The following PDCD11 variants were observed in gnomAD, a reference collection of about 807,000 sequenced individuals.
PDCD11 encodes programmed cell death 11.
Under a neutral mutation model 198.9 loss-of-function variants are expected in PDCD11, and 97 were observed. The observed-to-expected ratio is 0.49, with a 90% CI of 0.41 to 0.58. The LOEUF (loss-of-function observed/expected upper bound fraction) is 0.58. Ranked by LOEUF, PDCD11 falls within the 20% of genes least tolerant of loss-of-function variation. The pLI, the probability that PDCD11 is intolerant of heterozygous loss-of-function variation, is 0.00. For missense variants in PDCD11, 2,102 were observed against 2,312.7 expected (o/e 0.91, Z 1.87); for synonymous variants, 893 against 918.0 (o/e 0.97, Z 0.49).
In PDCD11 at chr10:103,398,464, C is replaced by A; in HGVS notation, c.38C>A (p.Thr13Lys). Residue 13 changes from threonine (T) to lysine (K), a missense_variant, in exon 2 of 36, where the codon ACA (threonine) becomes AAA (lysine). Thr to Lys is a moderately conservative substitution (Grantham distance 78). Coordinates refer to ENST00000369797, the MANE Select transcript of PDCD11 (RefSeq NM_014976.2). ...GAAGAAAGCTTCCCCCGAGGAGGTA[C>A]AAGAAAGATCCACAAACCAGAGAAA... is the stretch of plus-strand genomic sequence containing the variant. ...NLEESFPRGG[T>K]RKIHKPEKAF... 3 of 1,614,112 alleles carry A rather than the reference C, an allele frequency of 1.9e-6. No individual in the cohort carries two copies. Among genetic ancestry groups the A allele is most frequent in the Non-Finnish European group, 8.5e-7 (1 of 1,179,972 alleles).
intron 25 of PDCD11, among the ~76,000 whole-genome samples, chr10:103,436,631 G>T (rs1400536216): frequency 6.6e-6 from 1 of 152,200 alleles, no homozygotes; most frequent in Non-Finnish European, 1.5e-5. Flanking sequence ...CAAAGAATGA[G>T]TCCTAGAGAC....
chr10:103,435,495 G>C (rs1307790492), intron 25 of PDCD11, among the ~76,000 whole-genome samples: 1 of 151,346 alleles, frequency 6.6e-6, no homozygotes, highest in Non-Finnish European at 1.5e-5. Flanking sequence ...ACAGAGTCTG[G>C]AGTGCAGTGG....
At chr10:103,404,551 G>A (rs1309591200) in intron 4 of PDCD11, among the ~76,000 whole-genome samples, 1 of 152,100 alleles carries the variant, frequency 6.6e-6, no homozygotes, top group African/African-American at 2.4e-5. Flanking sequence ...TGCCCGCCTT[G>A]GCCTCCCTAA....
chr10:103,442,584 C>T (rs1252712265), intron 32 of PDCD11, 124 bp downstream of exon 32: 1 of 985,276 alleles, frequency 1.0e-6, no homozygotes, highest in Non-Finnish European at 1.5e-6. Flanking sequence ...ACCAGGGGCC[C>T]ATGGGTCCTC....
At chr10:103,435,988 T>C (rs964768517) in intron 25 of PDCD11, among the ~76,000 whole-genome samples, 5 of 152,208 alleles carry the variant, frequency 3.3e-5, no homozygotes, top group Middle Eastern at 3.4e-3. Context: ...TAAATTTGTG[T>C]CTTAGCCATT....
intron 19 of PDCD11, 104 bp from the exon 20 acceptor site, chr10:103,424,880 G>C: frequency 1.5e-6 from 2 of 1,325,128 alleles, no homozygotes; most frequent in Non-Finnish European, 2.1e-6. Context: ...CCCTAGCCTT[G>C]GGACCCCAGA....
At chr10:103,431,030 C>CCTTA (rs1592135697) in intron 21 of PDCD11, among the ~76,000 whole-genome samples, 1 of 152,018 alleles carries the variant, frequency 6.6e-6, no homozygotes, top group East Asian at 1.9e-4. Context: ...AAACTCCTGA[C>CCTTA]CTTAGGTGAT....
chr10:103,411,349 G>A (rs2030793627), intron 8 of PDCD11, among the ~76,000 whole-genome samples: 1 of 152,032 alleles, frequency 6.6e-6, no homozygotes, highest in Non-Finnish European at 1.5e-5. Flanking sequence ...ATAGTAATGT[G>A]TGCTATAGAT....
At chr10:103,427,086 GT>G (rs774258261) in intron 20 of PDCD11, among the ~76,000 whole-genome samples, 2 of 151,792 alleles carry the variant, frequency 1.3e-5, no homozygotes, top group Non-Finnish European at 2.9e-5. Flanking sequence ...TCCAGCTTGG[GT>G]GACAGAGTGA....
chr10:103,418,421 C>T lies in PDCD11; in HGVS notation c.1912-19C>T, dbSNP rs1253659020. On this transcript the variant is annotated intron_variant, in intron 14 of 35. Coordinates refer to ENST00000369797, the MANE Select transcript of PDCD11 (RefSeq NM_014976.2). ...TGTTCATGACAAGTGCTATTTTTGT[C>T]TTTCTCTTCCCTGGGTAGTTGGTAG... 1.2e-6 allele frequency: 2 copies of T among 1,602,650 alleles called. No individual in the cohort carries two copies. The highest frequency in any genetic ancestry group is 1.7e-6 in the Non-Finnish European group (2 of 1,172,484).
At chr10:103,424,211 C>T (rs1011289802) in intron 19 of PDCD11, among the ~76,000 whole-genome samples, 2 of 152,158 alleles carry the variant, frequency 1.3e-5, no homozygotes, top group African/African-American at 4.8e-5. Flanking sequence ...GCCTTGTCTT[C>T]TGGACACTTT....
At chr10:103,411,465 A>G (rs528348737) in intron 8 of PDCD11, among the ~76,000 whole-genome samples, 21 of 152,284 alleles carry the variant, frequency 1.4e-4, no homozygotes, top group African/African-American at 5.1e-4. Flanking sequence ...TCCTGGGTTC[A>G]GGCGATCCTT....
At chr10:103,415,531 G>T (rs1209761010) in intron 12 of PDCD11, among the ~76,000 whole-genome samples, 1 of 152,216 alleles carries the variant, frequency 6.6e-6, no homozygotes, top group African/African-American at 2.4e-5. Flanking sequence ...TCTATGCTAG[G>T]CATGTGACAA....
intron 7 of PDCD11, among the ~76,000 whole-genome samples, chr10:103,407,934 G>A (rs1488088331): frequency 1.3e-5 from 2 of 151,990 alleles, no homozygotes; most frequent in African/African-American, 4.8e-5. Context: ...GGCCAGGCTT[G>A]TGTCAAAATC....
chr10:103,409,115 G>GT (rs879263365), intron 7 of PDCD11, among the ~76,000 whole-genome samples: 39 of 152,270 alleles, frequency 2.6e-4, no homozygotes, highest in Non-Finnish European at 2.6e-4. Context: ...CACTTTTCCT[G>GT]TTTTTTGATT....
At chr10:103,415,243 G>A (rs751035715) in intron 12 of PDCD11, 92 bp downstream of exon 12, 141 of 1,302,524 alleles carry the variant, frequency 1.1e-4, no homozygotes, top group Middle Eastern at 2.6e-4. Flanking sequence ...CAAAGTGAGT[G>A]TGTAATGTCT....
chr10:103,398,615 A>G (rs2093449398), intron 2 of PDCD11, 87 bp downstream of exon 2: 2 of 852,662 alleles, frequency 2.3e-6, no homozygotes, highest in African/African-American at 1.7e-5. Context: ...AGAATGTGTT[A>G]TTTTTCCAGA....
At chr10:103,396,932 T>A (rs2093439185) in intron 1 of PDCD11, among the ~76,000 whole-genome samples, 7 of 152,092 alleles carry the variant, frequency 4.6e-5, no homozygotes, top group Admixed American at 4.6e-4. Context: ...TGCCCCTGGA[T>A]CGCCTTACTT....
intron 22 of PDCD11, 83 bp downstream of exon 22, chr10:103,432,317 C>A: frequency 1.0e-6 from 1 of 956,030 alleles, no homozygotes; most frequent in Non-Finnish European, 1.7e-6. Flanking sequence ...AAGCCATTAG[C>A]AGAGAAAGGC....
Sources: gnomAD v4.1 joint callset for allele counts (sites outside exome capture counted in the v4.1 genomes callset) on GRCh38, gnomAD v4.1.1 for gene constraint, MANE v1.5 for transcripts, NCBI Gene and HGNC (gene_info 2026-07-23, HGNC 2026-07-21) for gene names.